The following ABTB3 variants were observed in gnomAD, a reference collection of about 807,000 sequenced individuals.
The protein encoded by ABTB3 is ankyrin repeat and BTB domain containing 3, also known as ankyrin repeat- and BTB/POZ domain-containing protein 3.
chr12:107,555,528 C>G, the ABTB3 span, among the ~76,000 whole-genome samples: 1 of 152,168 alleles, frequency 6.6e-6, no homozygotes, highest in Non-Finnish European at 1.5e-5. Flanking sequence ...CCACATCAAT[C>G]TAGTTTGGTC....
the ABTB3 span, among the ~76,000 whole-genome samples, chr12:107,546,950 T>G: frequency 6.6e-6 from 1 of 152,070 alleles, no homozygotes; most frequent in Non-Finnish European, 1.5e-5. Flanking sequence ...TCCCAGCACT[T>G]TGGTAGGCCA....
the ABTB3 span, among the ~76,000 whole-genome samples, chr12:107,567,693 C>T: frequency 6.6e-6 from 1 of 152,318 alleles, no homozygotes; most frequent in East Asian, 1.9e-4. Context: ...ATTACTCCGC[C>T]TCCTGTCAGA....
the ABTB3 span, among the ~76,000 whole-genome samples, chr12:107,576,387 G>A: frequency 6.6e-6 from 1 of 152,218 alleles, no homozygotes; most frequent in African/African-American, 2.4e-5. Flanking sequence ...CCCAGATCAA[G>A]CTGCTGGCAG....
At chr12:107,332,889 G>A in the ABTB3 span, among the ~76,000 whole-genome samples, 1 of 152,200 alleles carries the variant, frequency 6.6e-6, no homozygotes. Flanking sequence ...AAGCAATCAT[G>A]AGCCGACTCA....
At chr12:107,643,402 CAAAAAAA>C in the ABTB3 span, among the ~76,000 whole-genome samples, 26,601 of 79,376 alleles carry the variant, frequency 0.34, 3,313 homozygotes, top group African/African-American at 0.45. Context: ...GACCCTATCT[CAAAAAAA>C]AAAAAAAAAA....
At chr12:107,555,706 G>A in the ABTB3 span, among the ~76,000 whole-genome samples, 39 of 152,148 alleles carry the variant, frequency 2.6e-4, no homozygotes, top group African/African-American at 8.2e-4. Flanking sequence ...TATACCATGC[G>A]CCTCATTTCA....
the ABTB3 span, chr12:107,319,828 G>A: frequency 2.4e-6 from 3 of 1,261,556 alleles, no homozygotes; most frequent in East Asian, 3.2e-5. Flanking sequence ...GAGGAGCGGC[G>A]AGCGGCGGCG....
At chr12:107,633,011 T>G in the ABTB3 span, among the ~76,000 whole-genome samples, 1 of 152,208 alleles carries the variant, frequency 6.6e-6, no homozygotes, top group East Asian at 1.9e-4. Context: ...CTTTTCTGCT[T>G]CTACTTTTAA....
the ABTB3 span, among the ~76,000 whole-genome samples, chr12:107,626,613 G>A: frequency 6.6e-6 from 1 of 152,058 alleles, no homozygotes; most frequent in Non-Finnish European, 1.5e-5. Context: ...CTCCCAAAGT[G>A]CTGGGATTTA....
chr12:107,543,400 G>A, the ABTB3 span, among the ~76,000 whole-genome samples: 1 of 151,408 alleles, frequency 6.6e-6, no homozygotes, highest in East Asian at 1.9e-4. Flanking sequence ...ACCCAAGTAA[G>A]GGCAGGGTGG....
chr12:107,565,301 T>G, the ABTB3 span, among the ~76,000 whole-genome samples: 1 of 152,208 alleles, frequency 6.6e-6, no homozygotes, highest in Non-Finnish European at 1.5e-5. Context: ...TTCGCTGATT[T>G]TTTTTTTCTG....
chr12:107,583,020 G>A, the ABTB3 span, among the ~76,000 whole-genome samples: 1 of 152,250 alleles, frequency 6.6e-6, no homozygotes, highest in African/African-American at 2.4e-5. Flanking sequence ...TGGGCTCCAG[G>A]GTCCCATTGC....
the ABTB3 span, among the ~76,000 whole-genome samples, chr12:107,433,000 G>C: frequency 6.6e-6 from 1 of 152,120 alleles, no homozygotes; most frequent in Admixed American, 6.5e-5. Context: ...AAGACAAGAA[G>C]AGTGGCCGGG....
At chr12:107,416,195 A>T in the ABTB3 span, among the ~76,000 whole-genome samples, 1 of 152,172 alleles carries the variant, frequency 6.6e-6, no homozygotes. Flanking sequence ...GTGTTTGTTG[A>T]AGGAGAAAGG....
the ABTB3 span, among the ~76,000 whole-genome samples, chr12:107,366,186 A>G: frequency 6.6e-6 from 1 of 152,102 alleles, no homozygotes; most frequent in Non-Finnish European, 1.5e-5. Context: ...CCTTTTATCA[A>G]TGTCTTTCAG....
At chr12:107,514,562 G>A in the ABTB3 span, among the ~76,000 whole-genome samples, 1 of 152,212 alleles carries the variant, frequency 6.6e-6, no homozygotes, top group Non-Finnish European at 1.5e-5. Context: ...CCCCAATAGT[G>A]GAAATTGATG....
At chr12:107,572,090 T>C in the ABTB3 span, among the ~76,000 whole-genome samples, 2 of 152,194 alleles carry the variant, frequency 1.3e-5, no homozygotes, top group South Asian at 2.1e-4. Context: ...ATTCCATTAA[T>C]GTTGACATGA....
chr12:107,596,349 C>A, the ABTB3 span, among the ~76,000 whole-genome samples: 1 of 152,186 alleles, frequency 6.6e-6, no homozygotes, highest in Non-Finnish European at 1.5e-5. Flanking sequence ...TGCAGTGGCT[C>A]ACGCCTGTAA....
the ABTB3 span, among the ~76,000 whole-genome samples, chr12:107,384,533 A>G: frequency 6.6e-6 from 1 of 152,324 alleles, no homozygotes; most frequent in East Asian, 1.9e-4. Flanking sequence ...TGCCCGAAGG[A>G]AACTTATTGG....
Sources: gnomAD v4.1 joint callset for allele counts (sites outside exome capture counted in the v4.1 genomes callset) on GRCh38, gnomAD v4.1.1 for gene constraint, MANE v1.5 for transcripts, NCBI Gene and HGNC (gene_info 2026-07-23, HGNC 2026-07-21) for gene names.